Variants in NAV2 observed in about 807,000 individuals in gnomAD.
NAV2 encodes helicase, APC down-regulated 1.
A neutral mutation model predicts 223.2 loss-of-function variants in NAV2; 54 were observed. The observed-to-expected ratio is 0.24, with a 90% confidence interval of 0.19 to 0.30. The LOEUF (loss-of-function observed/expected upper bound fraction) is 0.30, where lower values mean the gene tolerates loss of function less well. NAV2 is among the 10% of genes least tolerant of loss of function. The probability of loss-of-function intolerance (pLI) is 1.00; values close to 1 mark genes in which losing one functional copy is unlikely to be tolerated. For synonymous variants in NAV2, 1,279 were observed against 1,239.3 expected (o/e 1.03, Z -0.67); for missense variants, 2,806 against 3,147.5 (o/e 0.89, Z 2.60).
chr11:19,764,485 A>G (rs982339345), intron 1 of NAV2, among the ~76,000 whole-genome samples: 1 of 152,192 alleles, frequency 6.6e-6, no homozygotes, highest in African/African-American at 2.4e-5. Context: ...ACACAGATGT[A>G]TTGTTCATGC....
At chr11:19,746,920 T>G (rs1475037072) in intron 1 of NAV2, among the ~76,000 whole-genome samples, 2 of 152,054 alleles carry the variant, frequency 1.3e-5, no homozygotes, top group Non-Finnish European at 2.9e-5. Context: ...ACTTTAAATT[T>G]TAGGGTACAT....
At chr11:19,822,914 C>T (rs1182966135) in intron 1 of NAV2, among the ~76,000 whole-genome samples, 5 of 152,194 alleles carry the variant, frequency 3.3e-5, no homozygotes, top group Admixed American at 3.3e-4. Flanking sequence ...TCAAGATCAG[C>T]TGAGAACCAA....
At chr11:19,449,288 T>A (rs532525219) in intron 1 of NAV2, among the ~76,000 whole-genome samples, 81 of 151,610 alleles carry the variant, frequency 5.3e-4, no homozygotes, top group African/African-American at 1.7e-3. Context: ...CTGACGAATG[T>A]GGAGGCCTGA....
chr11:19,416,211 A>C (rs187777847), intron 1 of NAV2, among the ~76,000 whole-genome samples: 1 of 152,322 alleles, frequency 6.6e-6, no homozygotes, highest in East Asian at 1.9e-4. Context: ...GTCTCAGCCC[A>C]AAATCTCCTT....
At chr11:19,884,036 T>C (rs1289243159) in intron 5 of NAV2, among the ~76,000 whole-genome samples, 1 of 152,246 alleles carries the variant, frequency 6.6e-6, no homozygotes, top group African/African-American at 2.4e-5. Context: ...AGACATTTGA[T>C]GTTTAAAGAA....
intron 1 of NAV2, among the ~76,000 whole-genome samples, chr11:19,444,569 C>A (rs967231193): frequency 6.6e-6 from 1 of 152,156 alleles, no homozygotes; most frequent in Non-Finnish European, 1.5e-5. Context: ...CCACTGCCCA[C>A]CTGCTCCTCC....
In NAV2 at chr11:19,448,790, C is replaced by A. The variant is rs116498937; in HGVS notation, c.75+97763C>A. Among the ~76,000 whole-genome samples, 981 of 152,278 alleles carry A rather than the reference C, an allele frequency of 6.4e-3. 13 individuals carry two copies. The highest frequency in any genetic ancestry group is 0.022 in the African/African-American group (925 of 41,544). On this transcript the variant is annotated intron_variant, in intron 1 of 37. Coordinates refer to the NAV2 transcript ENST00000360655. ...ATAGTTAGCACTTAATAAATGCCAT[C>A]CGTTTTCTCTTTTGTTCACGTAGTG... is the stretch of plus-strand genomic sequence containing the variant.
At chr11:20,034,302 T>C (rs922350419) in intron 11 of NAV2, among the ~76,000 whole-genome samples, 4 of 152,248 alleles carry the variant, frequency 2.6e-5, no homozygotes, top group African/African-American at 9.6e-5. Context: ...CTTGGAATTC[T>C]GCTTTATTGT....
At chr11:20,106,553 C>A (rs1311523492) in intron 35 of NAV2, among the ~76,000 whole-genome samples, 5 of 19,480 alleles carry the variant, frequency 2.6e-4, no homozygotes, top group South Asian at 5.8e-3. Context: ...GAGTGAGACT[C>A]CAAAAAAAAA....
At chr11:19,740,033 C>T (rs1045507019) in intron 1 of NAV2, among the ~76,000 whole-genome samples, 1 of 152,186 alleles carries the variant, frequency 6.6e-6, no homozygotes, top group African/African-American at 2.4e-5. Context: ...CAGGCTCCCC[C>T]TGGAGGGCAG....
At chr11:19,639,882 G>A (rs1213265042) in intron 1 of NAV2, among the ~76,000 whole-genome samples, 1 of 152,232 alleles carries the variant, frequency 6.6e-6, no homozygotes, top group African/African-American at 2.4e-5. Context: ...TGGTAGCAGG[G>A]TGTAAACATT....
In NAV2 at chr11:19,933,866, G is replaced by C; in HGVS notation, c.1622G>C (p.Ser541Thr). 6.2e-7 allele frequency: 1 copy of C among 1,603,442 alleles called. No individual in the cohort carries two copies. Among genetic ancestry groups the C allele is most frequent in the Non-Finnish European group, 8.5e-7 (1 of 1,176,528 alleles). ...CCAAAAAAGTCCTCCAAGATTGCCA[G>C]CTTCATCCCCAAAGGGGGGAAGCTC... ...EMPKKSSKIASFIPKGGKLNS... is the reference protein window; with the variant it reads ...EMPKKSSKIATFIPKGGKLNS... The change falls in exon 7 of 38, where the codon AGC (serine) becomes ACC (threonine). Residue 541 changes from serine to threonine, a missense_variant. Physicochemically the swap from Ser to Thr is moderately conservative, Grantham distance 58. Coordinates refer to ENST00000349880, the MANE Select transcript of NAV2 (RefSeq NM_145117.5). The surrounding 1 kb of genome is among the most constrained non-coding windows in gnomAD (Gnocchi z 4.3).
intron 1 of NAV2, among the ~76,000 whole-genome samples, chr11:19,360,753 G>A (rs1477972416): frequency 6.6e-6 from 1 of 152,208 alleles, no homozygotes; most frequent in Non-Finnish European, 1.5e-5. Flanking sequence ...AGGCTGGAGA[G>A]CAGGAGGCAC....
chr11:19,823,986 T>C (rs555457407), intron 1 of NAV2, among the ~76,000 whole-genome samples: 64 of 152,274 alleles, frequency 4.2e-4, no homozygotes, highest in Non-Finnish European at 6.6e-4. Flanking sequence ...ATAATCTGTT[T>C]GGAAAAAAAT....
chr11:20,043,824 C>A, intron 12 of NAV2, 157 bp from the exon 13 acceptor site: 1 of 570,358 alleles, frequency 1.8e-6, no homozygotes, highest in Non-Finnish European at 3.0e-6. Context: ...ATCAGTCTTT[C>A]TAACAAGATA....
intron 1 of NAV2, among the ~76,000 whole-genome samples, chr11:19,680,331 T>C (rs565581458): frequency 6.6e-6 from 1 of 152,230 alleles, no homozygotes; most frequent in African/African-American, 2.4e-5. Context: ...CGGCCATTCC[T>C]AAGTGACTAA....
At position 19,879,920 on chromosome 11, in the gene NAV2, C is replaced by T; in HGVS notation, c.563C>T (p.Ser188Phe). The T allele has an allele frequency of 6.2e-7, 1 of 1,613,756 alleles. No individual in the cohort carries two copies. The highest frequency in any genetic ancestry group is 8.5e-7 in the Non-Finnish European group (1 of 1,180,030). The part of the protein sequence containing the change: ...KAILGLFFSL[S>F]RYKQQQQQPQ... ...ATTCTAGGCCTCTTCTTCAGCCTCTCCCGATACAAGCAGCAGCAGCAGCAG... is the reference window on the plus strand; with the variant it reads ...ATTCTAGGCCTCTTCTTCAGCCTCTTCCGATACAAGCAGCAGCAGCAGCAG... The change falls in exon 5 of 38, where the codon TCC becomes TTC. Residue 188 changes from serine to phenylalanine, a missense_variant. Transcript: ENST00000349880.
chr11:19,967,199 C>T (rs1169627918), intron 10 of NAV2, among the ~76,000 whole-genome samples: 1 of 152,172 alleles, frequency 6.6e-6, no homozygotes. Context: ...AGCCTATTCT[C>T]TTGGTGCTGC....
intron 1 of NAV2, among the ~76,000 whole-genome samples, chr11:19,748,283 A>G (rs1031152856): frequency 6.6e-6 from 1 of 152,162 alleles, no homozygotes; most frequent in Non-Finnish European, 1.5e-5. Context: ...AAATTAGGTA[A>G]CCAAGGATTG....
Sources: gnomAD v4.1 joint callset for allele counts (sites outside exome capture counted in the v4.1 genomes callset) on GRCh38, gnomAD v4.1.1 for gene constraint, Gnocchi (gnomAD v3.1) non-coding constraint, MANE v1.5 for transcripts, NCBI Gene and HGNC (gene_info 2026-07-23, HGNC 2026-07-21) for gene names.